CNTNAP2: variants seen among roughly 807,000 people sequenced by gnomAD.
CNTNAP2 encodes the protein contactin-associated protein-like 2.
CNTNAP2 carries 98 observed loss-of-function variants against 155.2 expected under a neutral mutation model. The ratio of observed to expected loss-of-function variants is 0.63; its 90% CI spans 0.54 to 0.75. CNTNAP2 has a LOEUF of 0.75. Among genes scored for constraint, CNTNAP2 ranks in the 30% least tolerant of loss-of-function variants. The pLI, the probability that CNTNAP2 is intolerant of heterozygous loss-of-function variation, is 0.00. For synonymous variants in CNTNAP2, 651 were observed against 631.2 expected (o/e 1.03, Z -0.47); for missense variants, 1,727 against 1,688.1 (o/e 1.02, Z -0.40).
intron 13 of CNTNAP2, among the ~76,000 whole-genome samples, chr7:147,800,371 T>A (rs1797965064): frequency 6.6e-6 from 1 of 152,146 alleles, no homozygotes; most frequent in Admixed American, 6.5e-5. Context: ...ATGAGATTTT[T>A]TTTTTGACCT....
intron 4 of CNTNAP2, among the ~76,000 whole-genome samples, chr7:147,080,541 C>T (rs1213056854): frequency 6.6e-6 from 1 of 151,402 alleles, no homozygotes; most frequent in African/African-American, 2.4e-5. Context: ...ATCAAAAGGC[C>T]AATGATATCC....
chr7:147,848,589 A>C (rs1798859501), intron 13 of CNTNAP2, among the ~76,000 whole-genome samples: 1 of 151,840 alleles, frequency 6.6e-6, no homozygotes, highest in Admixed American at 6.6e-5. Flanking sequence ...TGTAGACCGG[A>C]GCTGTTCCTA....
intron 20 of CNTNAP2, among the ~76,000 whole-genome samples, chr7:148,264,389 A>C (rs1796630065): frequency 6.6e-6 from 1 of 152,136 alleles, no homozygotes; most frequent in South Asian, 2.1e-4. Context: ...TTTTTCTATA[A>C]CGAACGTATA....
intron 1 of CNTNAP2, among the ~76,000 whole-genome samples, chr7:146,468,759 C>T (rs1027496388): frequency 1.4e-4 from 22 of 152,038 alleles, no homozygotes; most frequent in African/African-American, 5.3e-4. Flanking sequence ...TTGCTTCTAC[C>T]TTCCTCAGTA....
At chr7:146,910,867 C>T (rs1173035436) in intron 3 of CNTNAP2, among the ~76,000 whole-genome samples, 1 of 150,522 alleles carries the variant, frequency 6.6e-6, no homozygotes, top group Non-Finnish European at 1.5e-5. Flanking sequence ...AGTGAACAGG[C>T]AACCTACAAA....
intron 1 of CNTNAP2, among the ~76,000 whole-genome samples, chr7:146,662,706 C>A (rs1329499902): frequency 6.6e-6 from 1 of 152,062 alleles, no homozygotes; most frequent in Non-Finnish European, 1.5e-5. Flanking sequence ...ATTTTCTCCT[C>A]CATTTTCTTT....
At chr7:146,927,305 T>C (rs1313078807) in intron 3 of CNTNAP2, among the ~76,000 whole-genome samples, 1 of 152,148 alleles carries the variant, frequency 6.6e-6, no homozygotes, top group Non-Finnish European at 1.5e-5. Flanking sequence ...AGTTGAAAAC[T>C]GTATTTGCTG....
intron 13 of CNTNAP2, among the ~76,000 whole-genome samples, chr7:147,731,274 G>T (rs1219496923): frequency 7.2e-5 from 11 of 152,088 alleles, no homozygotes; most frequent in Admixed American, 7.2e-4. Context: ...AGAAAAAGTG[G>T]ATGTCTGGCT....
chr7:148,090,921 G>A (rs1803827342), intron 15 of CNTNAP2, among the ~76,000 whole-genome samples: 1 of 152,042 alleles, frequency 6.6e-6, no homozygotes, highest in Non-Finnish European at 1.5e-5. Context: ...AGGAAATCCA[G>A]CCATATGGAT....
chr7:147,443,283 C>A (rs552809380), intron 10 of CNTNAP2, among the ~76,000 whole-genome samples: 1 of 152,160 alleles, frequency 6.6e-6, no homozygotes, highest in Admixed American at 6.5e-5. Flanking sequence ...ATCTGGTTTT[C>A]CTTTCTGCTA....
chr7:147,580,947 C>G (rs1273310638), intron 12 of CNTNAP2, among the ~76,000 whole-genome samples: 2 of 152,148 alleles, frequency 1.3e-5, no homozygotes, highest in African/African-American at 2.4e-5. Flanking sequence ...CTTAATCATT[C>G]ATCACTGACA....
chr7:147,300,132 A>T lies in CNTNAP2; in HGVS notation c.1349-9A>T. 3 of 1,613,908 alleles carry T rather than the reference A, an allele frequency of 1.9e-6. No individual in the cohort carries two copies. Among genetic ancestry groups the T allele is most frequent in the Non-Finnish European group, 2.5e-6 (3 of 1,179,856 alleles). The stretch of plus-strand genomic sequence containing the variant: ...AAGATAAAAATGACTTTTATCTTGT[A>T]CTTACCAGGTTCTGGGTTGAATGAT... On this transcript the variant is annotated splice_polypyrimidine_tract_variant and intron_variant, in intron 8 of 23. Transcript: ENST00000361727.
chr7:147,512,278 G>GT (rs1562973692), intron 11 of CNTNAP2, among the ~76,000 whole-genome samples: 2 of 152,280 alleles, frequency 1.3e-5, no homozygotes. Context: ...TTTTGAGACA[G>GT]TTTTTTGGAA....
chr7:147,505,807 A>G (rs1049410645), intron 11 of CNTNAP2, among the ~76,000 whole-genome samples: 19 of 152,162 alleles, frequency 1.2e-4, no homozygotes, highest in Non-Finnish European at 2.6e-4. Flanking sequence ...TCCTGTCAGA[A>G]TCATTGCCAT....
intron 1 of CNTNAP2, among the ~76,000 whole-genome samples, chr7:146,415,998 A>G (rs1795933019): frequency 6.6e-6 from 1 of 152,070 alleles, no homozygotes; most frequent in African/African-American, 2.4e-5. Flanking sequence ...TATAAATTAA[A>G]GGATATATAT....
rs556586113 is a variant in CNTNAP2, at chr7:147,258,527, CT to C, written c.1349-41613del. The stretch of plus-strand genomic sequence containing the variant: ...CAAGCACGTATGATTGCAGCACCCC[CT>C]AACTGTTCTCCCGTACTTGAAGAAA... On this transcript the variant is annotated intron_variant, in intron 8 of 23. Coordinates refer to ENST00000361727, the MANE Select transcript of CNTNAP2 (RefSeq NM_014141.6). Among the ~76,000 whole-genome samples, 687 of 152,234 alleles carry C rather than the reference CT, an allele frequency of 4.5e-3. 8 individuals are homozygous for C. Among genetic ancestry groups the C allele is most frequent in the Admixed American group, 0.011 (166 of 15,280 alleles).
chr7:148,411,575 T>C (rs1799839499), intron 23 of CNTNAP2, among the ~76,000 whole-genome samples: 1 of 152,030 alleles, frequency 6.6e-6, no homozygotes, highest in African/African-American at 2.4e-5. Context: ...CCCAATCTTT[T>C]TTATAGTTTG....
chr7:147,154,666 A>G (rs537876080), intron 8 of CNTNAP2, among the ~76,000 whole-genome samples: 3 of 152,182 alleles, frequency 2.0e-5, no homozygotes, highest in Admixed American at 2.0e-4. Context: ...TGAAATGCAC[A>G]TAGCACACCA....
intron 1 of CNTNAP2, among the ~76,000 whole-genome samples, chr7:146,496,810 A>G (rs10260534): frequency 0.43 from 64,953 of 152,024 alleles, 15,233 homozygotes; most frequent in African/African-American, 0.63. Context: ...TTCAGGTATA[A>G]CAAAAATGGA....
Sources: allele counts gnomAD v4.1 joint callset (sites outside exome capture counted in the v4.1 genomes callset), GRCh38; gene constraint gnomAD v4.1.1; transcripts MANE v1.5; gene names NCBI Gene and HGNC (gene_info 2026-07-23, HGNC 2026-07-21).